Variants in METTL22 observed in about 807,000 individuals in gnomAD.
METTL22 encodes the protein methyltransferase 22, Kin17 lysine.
Under a neutral mutation model 48.4 loss-of-function variants are expected in METTL22, and 51 were observed. The ratio of observed to expected loss-of-function variants is 1.05; its 90% CI spans 0.84 to 1.33. METTL22 has a LOEUF of 1.33. Among genes scored for constraint, METTL22 ranks in the 40% most tolerant of loss-of-function variants. The pLI is 0.00. For missense variants in METTL22, 678 were observed against 526.9 expected (o/e 1.29, Z -2.81); for synonymous variants, 255 against 214.1 (o/e 1.19, Z -1.67).
At position 8,635,313 on chromosome 16, in the gene METTL22, G is replaced by C. The variant is rs746050431; in HGVS notation, c.700+1G>C. 6.5e-7 allele frequency: 1 copy of C among 1,546,858 alleles called. No individual in the cohort carries two copies. Among genetic ancestry groups the C allele is most frequent in the East Asian group, 2.3e-5 (1 of 44,124 alleles). On this transcript the variant is annotated splice_donor_variant, in intron 5 of 10. Coordinates refer to ENST00000381920, the MANE Select transcript of METTL22 (RefSeq NM_024109.4). LOFTEE classifies it high-confidence loss of function. Reference sequence around the variant, plus strand: ...ATGGCACGGACCGTTTATTGTACAGGTAATGAGGTGACATCTCAGGCTGCA... The same window carrying C: ...ATGGCACGGACCGTTTATTGTACAGCTAATGAGGTGACATCTCAGGCTGCA...
chr16:8,627,801 G>A (rs113015087), intron 2 of METTL22, among the ~76,000 whole-genome samples: 1,905 of 152,214 alleles, frequency 0.013, 47 homozygotes, highest in African/African-American at 0.044. Context: ...GCTGGAGTGC[G>A]GTGGTGCAGT....
intron 9 of METTL22, 61 bp from the exon 10 acceptor site, chr16:8,644,496 A>C: frequency 6.7e-7 from 1 of 1,484,168 alleles, no homozygotes; most frequent in Non-Finnish European, 9.0e-7. Flanking sequence ...AGGTGGGCAG[A>C]AACAGCAAAA....
Position 8,646,485 on chromosome 16 carries a change from G to A in METTL22, c.*342G>A. ...TACTTGCGGTTGCGGCCCTGGCTGT[G>A]AGGTGGATTCTTGTACTGCCCTCTG... On this transcript the variant is annotated 3_prime_UTR_variant, in exon 11 of 11. Transcript: ENST00000381920. The A allele has an allele frequency of 1.8e-6, 1 of 551,272 alleles. No homozygotes were observed. Among genetic ancestry groups the A allele is most frequent in the Non-Finnish European group, 3.5e-6 (1 of 288,822 alleles). The allele number at this position is 551,272 out of a possible 1,614,324, so 34.1% of individuals were successfully genotyped here.
rs2056805116 is a variant in METTL22 at position 8,646,554 on chromosome 16, A to G, written c.*411A>G. The stretch of plus-strand genomic sequence containing the variant: ...GTTGACTACCACTGCCAGTATTGCC[A>G]TCATATTGCCGCTCGGCACAAAAGC... On this transcript the variant is annotated 3_prime_UTR_variant, in exon 11 of 11. Coordinates refer to ENST00000381920, the MANE Select transcript of METTL22 (RefSeq NM_024109.4). 1 of 484,784 alleles carries G rather than the reference A, an allele frequency of 2.1e-6. No individual in the cohort carries two copies. 30.0% of individuals were successfully genotyped at this position (484,784 alleles called of 1,614,324 possible).
the METTL22 span, among the ~76,000 whole-genome samples, chr16:8,656,919 G>C: frequency 6.6e-6 from 1 of 152,242 alleles, no homozygotes; most frequent in South Asian, 2.1e-4. Flanking sequence ...ATGAGAACGA[G>C]AGAGAAGTAA....
rs781425480 is a variant in METTL22 at position 8,625,766 on chromosome 16, T to C, written c.101T>C (p.Leu34Pro). The change falls in exon 2 of 11, where the codon CTC (leucine) becomes CCC (proline). Residue 34 changes from leucine to proline, a missense_variant. Coordinates refer to ENST00000381920, the MANE Select transcript of METTL22 (RefSeq NM_024109.4). ...CTCTATACCCCGAACCATAGACATCTCATGGTACGGCTGAACAGCGTGGGG... is the reference window on the plus strand; with the variant it reads ...CTCTATACCCCGAACCATAGACATCCCATGGTACGGCTGAACAGCGTGGGG... ...VHLYTPNHRHLMVRLNSVGQP... is the reference protein window; with the variant it reads ...VHLYTPNHRHPMVRLNSVGQP... 1.2e-6 allele frequency: 2 copies of C among 1,614,194 alleles called. No individual in the cohort carries two copies. Among genetic ancestry groups the C allele is most frequent in the Non-Finnish European group, 1.7e-6 (2 of 1,180,032 alleles).
chr16:8,637,542 C>T (rs2056460086), intron 5 of METTL22, among the ~76,000 whole-genome samples: 1 of 152,362 alleles, frequency 6.6e-6, no homozygotes, highest in South Asian at 2.1e-4. Flanking sequence ...GGGCAGAGCC[C>T]AGGGTTCCTA....
the METTL22 span, among the ~76,000 whole-genome samples, chr16:8,659,123 G>A: frequency 6.6e-6 from 1 of 152,122 alleles, no homozygotes; most frequent in Non-Finnish European, 1.5e-5. Flanking sequence ...TTGAGGTCAG[G>A]AGTTCGAGAC....
intron 10 of METTL22, among the ~76,000 whole-genome samples, chr16:8,645,498 A>C (rs2056758872): frequency 6.6e-6 from 1 of 152,200 alleles, no homozygotes; most frequent in Admixed American, 6.5e-5. Flanking sequence ...CAAAAAGGCC[A>C]GGTACGGTGG....
intron 1 of METTL22, among the ~76,000 whole-genome samples, chr16:8,623,440 C>T (rs1240174965): frequency 2.0e-5 from 3 of 152,100 alleles, no homozygotes; most frequent in East Asian, 3.9e-4. Flanking sequence ...TGAAAGTCCT[C>T]AGTTTTCCCC....
At chr16:8,654,861 T>C in the METTL22 span, among the ~76,000 whole-genome samples, 1 of 152,200 alleles carries the variant, frequency 6.6e-6, no homozygotes, top group East Asian at 1.9e-4. Flanking sequence ...AGTGTGGCCG[T>C]GATCTGTACT....
At chr16:8,632,129 T>G (rs558883555) in intron 3 of METTL22, 4 of 152,174 alleles carry the variant, frequency 2.6e-5, no homozygotes, top group African/African-American at 9.6e-5. Context: ...GAAAGGAGAG[T>G]GCCCTTAAGG....
intron 9 of METTL22, 68 bp downstream of exon 9, chr16:8,642,633 T>A: frequency 7.1e-7 from 1 of 1,407,868 alleles, no homozygotes; most frequent in Non-Finnish European, 1.0e-6. Flanking sequence ...CTCCTAATTG[T>A]GTCCTTGTCA....
the METTL22 span, among the ~76,000 whole-genome samples, chr16:8,657,820 C>CTTTTTTTTTTTTTTTTTTTTTTT: frequency 5.4e-4 from 74 of 137,294 alleles, 5 homozygotes; most frequent in African/African-American, 1.6e-3. Context: ...CTTTTCTTTT[C>CTTTTTTTTTTTTTTTTTTTTTTT]TTTCTTTTTT....
chr16:8,627,519 G>A (rs2056101565), intron 2 of METTL22, among the ~76,000 whole-genome samples: 1 of 152,134 alleles, frequency 6.6e-6, no homozygotes, highest in Non-Finnish European at 1.5e-5. Flanking sequence ...GTTATGGTGT[G>A]ATTATTAATA....
At position 8,635,213 on chromosome 16, in the gene METTL22, C is replaced by T. The variant is rs750044415; in HGVS notation, c.601C>T (p.Gln201Ter). 22 of 1,611,286 alleles carry T rather than the reference C, an allele frequency of 1.4e-5. No individual in the cohort carries two copies. The South Asian group carries it at 2.4e-4, about 18-fold the overall frequency. The part of the protein sequence containing the change: ...LLLADYILFR[Q>*]DLFRGCTALE... Reference sequence around the variant, plus strand: ...CCTGGCAGACTACATCCTGTTCCGACAGGACCTCTTCCGAGGATGTACAGC... The same window carrying T: ...CCTGGCAGACTACATCCTGTTCCGATAGGACCTCTTCCGAGGATGTACAGC... The change falls in exon 5 of 11, where the codon CAG becomes TAG. Residue 201 changes from glutamine (Q) to a stop codon, truncating the protein, a stop_gained. Transcript: ENST00000381920. LOFTEE classifies it high-confidence loss of function.
rs748466592 is a variant in METTL22 at position 8,628,986 on chromosome 16, C to T, written c.390C>T (p.Ala130=). The change falls in exon 3 of 11, where the codon GCC becomes GCT. Residue 130 remains alanine (A), a synonymous_variant. Coordinates refer to ENST00000381920, the MANE Select transcript of METTL22 (RefSeq NM_024109.4). ...GDLDVVRRPR[A]ASDSNPAGPL... Reference sequence around the variant, plus strand: ...TGGACGTGGTGAGAAGACCACGAGCCGCCTCTGATTCCAACCCAGCAGGGC... The same window carrying T: ...TGGACGTGGTGAGAAGACCACGAGCTGCCTCTGATTCCAACCCAGCAGGGC... The T allele has an allele frequency of 1.1e-5, 17 of 1,614,004 alleles. No homozygotes were observed. The highest frequency in any genetic ancestry group is 4.5e-5 in the East Asian group (2 of 44,886).
chr16:8,664,293 G>C, the METTL22 span, among the ~76,000 whole-genome samples: 1 of 151,940 alleles, frequency 6.6e-6, no homozygotes, highest in Non-Finnish European at 1.5e-5. Context: ...CTGTTCACCT[G>C]TGACACCATG....
the METTL22 span, among the ~76,000 whole-genome samples, chr16:8,658,837 C>T: frequency 2.6e-5 from 4 of 152,150 alleles, no homozygotes; most frequent in African/African-American, 9.7e-5. Flanking sequence ...CAAGGCCCTC[C>T]AAGGCCTGGC....
Sources: allele counts gnomAD v4.1 joint callset (sites outside exome capture counted in the v4.1 genomes callset), GRCh38; gene constraint gnomAD v4.1.1; transcripts MANE v1.5; gene names NCBI Gene and HGNC (gene_info 2026-07-23, HGNC 2026-07-21).